Variants in CDC5L observed in about 807,000 individuals in gnomAD.
CDC5L encodes the protein cell division cycle 5 like.
CDC5L carries 18 observed loss-of-function variants against 104.1 expected under a neutral mutation model. That is an observed-to-expected ratio of 0.17 (90% CI 0.12 to 0.26). CDC5L has a LOEUF of 0.26. CDC5L is among the 10% of genes least tolerant of loss of function. CDC5L has a pLI of 1.00. For missense variants in CDC5L, 673 were observed against 956.9 expected (o/e 0.70, Z 3.91); for synonymous variants, 331 against 322.7 (o/e 1.03, Z -0.28).
Position 44,403,914 on chromosome 6 carries a change from A to T in CDC5L, c.645A>T (p.Pro215=), listed in dbSNP as rs202133434. The change falls in exon 6 of 16, where the codon CCA becomes CCT. Residue 215 remains proline (P), a synonymous_variant. Transcript: ENST00000371477. ...GAGTTGATTATAATGCCGAAATCCC[A>T]TTTGAAAAAAAGCCTGCCCTTGGTT... is the stretch of plus-strand genomic sequence containing the variant. ...KRGVDYNAEI[P]FEKKPALGFY... 1 of 1,613,642 alleles carries T rather than the reference A, an allele frequency of 6.2e-7. No homozygotes were observed. Among genetic ancestry groups the T allele is most frequent in the Non-Finnish European group, 8.5e-7 (1 of 1,179,776 alleles).
rs576540083 is a variant in CDC5L, at chr6:44,449,963, C to G, written c.*3252C>G. 3 of 151,332 alleles carry G rather than the reference C, an allele frequency of 2.0e-5. No homozygotes were observed. The highest frequency in any genetic ancestry group is 6.6e-5 in the Admixed American group (1 of 15,186). The allele number at this position is 151,332 out of a possible 1,614,324, so 9.4% of individuals were successfully genotyped here. ...CACTGCAACCTCTGCCTCCTGGGCT[C>G]GAGTGATTCTCTGCCTCAGCCTTCC... On this transcript the variant is annotated 3_prime_UTR_variant, in exon 16 of 16. Coordinates refer to ENST00000371477, the MANE Select transcript of CDC5L (RefSeq NM_001253.4).
At position 44,426,496 on chromosome 6, in the gene CDC5L, T is replaced by G; in HGVS notation, c.1665T>G (p.Ile555Met). 1 of 1,517,432 alleles carries G rather than the reference T, an allele frequency of 6.6e-7. No homozygotes were observed. Among genetic ancestry groups the G allele is most frequent in the East Asian group, 2.3e-5 (1 of 44,284 alleles). The allele number at this position is 1,517,432 out of a possible 1,614,324, so 94.0% of individuals were successfully genotyped here. ...LPRPSEVNET[I>M]LRPLNVEPPL... ...TAAAATTTTAGGTAAATGAAACTAT[T>G]CTAAGACCCTTAAATGTAGAACCGC... The change falls in exon 13 of 16, where the codon ATT (isoleucine) becomes ATG (methionine). Residue 555 changes from isoleucine (I) to methionine (M), a missense_variant. Ile to Met is a conservative substitution (Grantham distance 10). Coordinates refer to ENST00000371477, the MANE Select transcript of CDC5L (RefSeq NM_001253.4).
intron 4 of CDC5L, among the ~76,000 whole-genome samples, chr6:44,395,335 T>A (rs1315405205): frequency 2.6e-5 from 4 of 152,230 alleles, no homozygotes; most frequent in Non-Finnish European, 4.4e-5. Flanking sequence ...TCTATGCATG[T>A]AACAAACTCT....
At position 44,422,681 on chromosome 6, in the gene CDC5L, C is replaced by T. The variant is rs1792241285; in HGVS notation, c.1276C>T (p.Arg426Trp). Residue 426 changes from arginine to tryptophan, a missense_variant, in exon 10 of 16, where the codon CGG becomes TGG. By Grantham distance (101) the Arg-to-Trp change is moderately radical. Coordinates refer to ENST00000371477, the MANE Select transcript of CDC5L (RefSeq NM_001253.4). ...PSNGAEGLTP[R>W]SGTTPKPVIN... ...TAATGGAGCTGAAGGGCTGACTCCC[C>T]GGAGTGGAACAACTCCCAAACCAGT... is the stretch of plus-strand genomic sequence containing the variant. The T allele has an allele frequency of 1.9e-6, 3 of 1,611,814 alleles. No homozygotes were observed. Among genetic ancestry groups the T allele is most frequent in the Non-Finnish European group, 1.7e-6 (2 of 1,178,752 alleles).
rs543737349 is a variant in CDC5L, at chr6:44,434,405, G to A, written c.2091+4495G>A. ...TTTCTTGGACCTGCGTCTCATCAGA[G>A]TAGAGAAGGTTCACTGATAAAAATG... On this transcript the variant is annotated intron_variant, in intron 14 of 15. Coordinates refer to ENST00000371477, the MANE Select transcript of CDC5L (RefSeq NM_001253.4). Among the ~76,000 whole-genome samples, 94 of 152,322 alleles carry A rather than the reference G, an allele frequency of 6.2e-4. 1 individual carries two copies. In the South Asian group the frequency reaches 0.018, roughly 30 times the overall value.
At chr6:44,441,693 C>T (rs139478199) in intron 14 of CDC5L, among the ~76,000 whole-genome samples, 5 of 152,178 alleles carry the variant, frequency 3.3e-5, no homozygotes, top group Non-Finnish European at 7.4e-5. Flanking sequence ...TTTTGATTTG[C>T]ATTTCTCTGA....
chr6:44,390,214 CT>C, intron 1 of CDC5L, 53 bp from the exon 2 acceptor site: 1 of 1,138,576 alleles, frequency 8.8e-7, no homozygotes, highest in Non-Finnish European at 1.3e-6. Context: ...TAAATTTTGT[CT>C]TTTCCCACTT....
chr6:44,430,867 G>A (rs1051908074), intron 14 of CDC5L, among the ~76,000 whole-genome samples: 1 of 152,078 alleles, frequency 6.6e-6, no homozygotes, highest in Non-Finnish European at 1.5e-5. Flanking sequence ...CACCATGCCC[G>A]GCTATGCCTT....
At chr6:44,407,996 T>G in intron 7 of CDC5L, among the ~76,000 whole-genome samples, 1 of 152,214 alleles carries the variant, frequency 6.6e-6, no homozygotes. Context: ...GTATAAATAC[T>G]GCTATTTTAC....
At chr6:44,403,571 G>T (rs1385956657) in intron 5 of CDC5L, among the ~76,000 whole-genome samples, 1 of 152,030 alleles carries the variant, frequency 6.6e-6, no homozygotes, top group Non-Finnish European at 1.5e-5. Flanking sequence ...TTTCCATCCA[G>T]AGATAAGATA....
At chr6:44,391,904 G>A (rs1790640512) in intron 2 of CDC5L, among the ~76,000 whole-genome samples, 1 of 152,064 alleles carries the variant, frequency 6.6e-6, no homozygotes, top group Non-Finnish European at 1.5e-5. Flanking sequence ...GGGAGGATCG[G>A]TTGAACCCAG....
At position 44,387,850 on chromosome 6, in the gene CDC5L, C is replaced by T. The variant is rs1310430590; in HGVS notation, c.27C>T (p.Gly9=). 3.2e-6 allele frequency: 5 copies of T among 1,566,688 alleles called. No individual in the cohort carries two copies. Among genetic ancestry groups the T allele is most frequent in the Non-Finnish European group, 4.3e-6 (5 of 1,154,524 alleles). Residue 9 remains glycine, a synonymous_variant, in exon 1 of 16, where the codon GGC becomes GGT. Transcript: ENST00000371477. Reference sequence around the variant, plus strand: ...TGCCTCGAATTATGATCAAGGGGGGCGTATGGAGGAATACCGAGGTAAGTC... The same window carrying T: ...TGCCTCGAATTATGATCAAGGGGGGTGTATGGAGGAATACCGAGGTAAGTC... MPRIMIKG[G]VWRNTEDEIL... is the part of the protein sequence containing the mutation.
intron 14 of CDC5L, among the ~76,000 whole-genome samples, chr6:44,439,280 A>G (rs911893743): frequency 1.3e-5 from 2 of 152,120 alleles, no homozygotes; most frequent in African/African-American, 2.4e-5. Flanking sequence ...GGTTGCTTCT[A>G]CTTTTACCTA....
intron 5 of CDC5L, among the ~76,000 whole-genome samples, chr6:44,402,627 G>A (rs1407214563): frequency 6.6e-6 from 1 of 152,084 alleles, no homozygotes; most frequent in African/African-American, 2.4e-5. Context: ...AACATAGGAA[G>A]ATGCAAAGAA....
rs1191785102 is a variant in CDC5L at position 44,422,805 on chromosome 6, A to T, written c.1400A>T (p.Gln467Leu). Residue 467 changes from glutamine to leucine, a missense_variant, in exon 10 of 16, where the codon CAG becomes CTG. Gln to Leu is a moderately radical substitution (Grantham distance 113). Transcript: ENST00000371477. ...ADYSDPSYVKQMERESREHLR... is the reference protein window; with the variant it reads ...ADYSDPSYVKLMERESREHLR... Reference sequence around the variant, plus strand: ...TATAGTGATCCCTCTTACGTGAAGCAGATGGTAAATGTCAATTCCCTTTTA... The same window carrying T: ...TATAGTGATCCCTCTTACGTGAAGCTGATGGTAAATGTCAATTCCCTTTTA... 1.3e-6 allele frequency: 2 copies of T among 1,596,858 alleles called. No individual in the cohort carries two copies. The highest frequency in any genetic ancestry group is 1.7e-6 in the Non-Finnish European group (2 of 1,173,748).
chr6:44,393,606 G>T lies in CDC5L; in HGVS notation c.439+33G>T, dbSNP rs1290759689. 4 of 1,596,290 alleles carry T rather than the reference G, an allele frequency of 2.5e-6. No homozygotes were observed. In the African/African-American group the frequency reaches 5.4e-5, roughly 22 times the overall value. On this transcript the variant is annotated intron_variant, in intron 4 of 15. Transcript: ENST00000371477. ...TATGCTTTGAGGAATTTATTTCTTT[G>T]GTAACTGTAAACTCCTTGGGCCTCA...
At position 44,448,145 on chromosome 6, in the gene CDC5L, A is replaced by G. The variant is rs753566741; in HGVS notation, c.*1434A>G. 6.6e-6 allele frequency: 1 copy of G among 152,230 alleles called. No individual in the cohort carries two copies. Among genetic ancestry groups the G allele is most frequent in the African/African-American group, 2.4e-5 (1 of 41,468 alleles). 9.4% of individuals were successfully genotyped at this position (152,230 alleles called of 1,614,324 possible). A position where few individuals can be genotyped will look rare whatever the true frequency, so the allele number is the denominator to read the frequency against. ...TGTGATTGACATTTTAGAATGGGCT[A>G]TCCTTGTGAGATTCAAGGAAAGAAC... is the stretch of plus-strand genomic sequence containing the variant. On this transcript the variant is annotated 3_prime_UTR_variant, in exon 16 of 16. Transcript: ENST00000371477.
intron 8 of CDC5L, among the ~76,000 whole-genome samples, chr6:44,416,233 G>C (rs1791901998): frequency 6.6e-6 from 1 of 152,176 alleles, no homozygotes; most frequent in South Asian, 2.1e-4. Flanking sequence ...GGGCATTAAA[G>C]GTCTGAAAAG....
At position 44,414,958 on chromosome 6, in the gene CDC5L, C is replaced by T. The variant is rs540863844; in HGVS notation, c.1093-4491C>T. ...CCACTTTGAGTTAGTTTTTTATGTACTGTTAGGTATGGATCTACCTTCATT... is the reference window on the plus strand; with the variant it reads ...CCACTTTGAGTTAGTTTTTTATGTATTGTTAGGTATGGATCTACCTTCATT... On this transcript the variant is annotated intron_variant, in intron 8 of 15. Coordinates refer to ENST00000371477, the MANE Select transcript of CDC5L (RefSeq NM_001253.4). Among the ~76,000 whole-genome samples, 5 of 152,230 alleles carry T rather than the reference C, an allele frequency of 3.3e-5. No homozygotes were observed. In the South Asian group the frequency reaches 8.3e-4, roughly 25 times the overall value.
Sources: gnomAD v4.1 joint callset for allele counts (sites outside exome capture counted in the v4.1 genomes callset) on GRCh38, gnomAD v4.1.1 for gene constraint, MANE v1.5 for transcripts, NCBI Gene and HGNC (gene_info 2026-07-23, HGNC 2026-07-21) for gene names.